HCN1: variants seen among roughly 807,000 people sequenced by gnomAD.
HCN1 encodes the protein hyperpolarization activated cyclic nucleotide gated potassium channel 1.
A neutral mutation model predicts 78.9 loss-of-function variants in HCN1; 13 were observed. The observed-to-expected ratio is 0.16, with a 90% CI of 0.11 to 0.26. The LOEUF (loss-of-function observed/expected upper bound fraction) is 0.26. HCN1 is among the 10% of genes least tolerant of loss of function. The probability of loss-of-function intolerance (pLI) is 1.00; values close to 1 mark genes in which losing one functional copy is unlikely to be tolerated. For missense variants in HCN1, 810 were observed against 1,154.3 expected, an observed-to-expected ratio of 0.70 and a Z score of 4.32; for synonymous variants, 552 against 455.5, an observed-to-expected ratio of 1.21 and a Z score of -2.70.
At chr5:45,570,033 T>A (rs1318124464) in intron 2 of HCN1, among the ~76,000 whole-genome samples, 4 of 152,162 alleles carry the variant, frequency 2.6e-5, no homozygotes, top group African/African-American at 9.6e-5. Context: ...TGTAGGTATT[T>A]GCCAGATTAT....
intron 2 of HCN1, among the ~76,000 whole-genome samples, chr5:45,490,806 T>C (rs115238150): frequency 0.014 from 2,202 of 152,178 alleles, 27 homozygotes; most frequent in Middle Eastern, 0.054. Flanking sequence ...TTCATACATG[T>C]ATAATTCCTC....
intron 5 of HCN1, among the ~76,000 whole-genome samples, chr5:45,318,797 C>T (rs1283080056): frequency 6.6e-6 from 1 of 151,744 alleles, no homozygotes; most frequent in Non-Finnish European, 1.5e-5. Context: ...TATATGCACC[C>T]GTATAACCAG....
intron 4 of HCN1, among the ~76,000 whole-genome samples, chr5:45,382,573 TTGGTC>T (rs1171174600): frequency 6.6e-6 from 1 of 152,176 alleles, no homozygotes; most frequent in Non-Finnish European, 1.5e-5. Flanking sequence ...TAATTGATTT[TTGGTC>T]TGTCTCCTCC....
At chr5:45,410,195 A>G (rs192706322) in intron 3 of HCN1, among the ~76,000 whole-genome samples, 8 of 152,152 alleles carry the variant, frequency 5.3e-5, no homozygotes, top group African/African-American at 1.9e-4. Context: ...AGTCTTTATT[A>G]TCTTCATTTA....
intron 2 of HCN1, among the ~76,000 whole-genome samples, chr5:45,585,147 C>A (rs987290096): frequency 6.6e-6 from 1 of 152,156 alleles, no homozygotes; most frequent in Non-Finnish European, 1.5e-5. Context: ...GCATTCTCCC[C>A]GTCACTTTCA....
At chr5:45,264,018 C>T (rs181039882) in intron 7 of HCN1, among the ~76,000 whole-genome samples, 2 of 152,182 alleles carry the variant, frequency 1.3e-5, no homozygotes, top group Non-Finnish European at 2.9e-5. Context: ...TGGTCTCCAT[C>T]TCATGACCTT....
rs146908957 is a variant in HCN1, at chr5:45,377,763, A to G, written c.1230+18729T>C. On this transcript the variant is annotated intron_variant, in intron 4 of 7. Transcript: ENST00000303230. The stretch of plus-strand genomic sequence containing the variant: ...AGGTATGTGACTGGGTGTTACTATA[A>G]ATACATAAGACTATAACAAATTGGG... 1.1e-4 allele frequency among the ~76,000 whole-genome samples: 17 copies of G among 152,162 alleles called. No individual in the cohort carries two copies. In the East Asian group the frequency reaches 3.3e-3, roughly 29 times the overall value.
At chr5:45,323,069 G>A (rs1301110872) in intron 5 of HCN1, among the ~76,000 whole-genome samples, 1 of 151,780 alleles carries the variant, frequency 6.6e-6, no homozygotes, top group Non-Finnish European at 1.5e-5. Flanking sequence ...TCCGTTTTTA[G>A]AAAATGGTAA....
At chr5:45,670,240 C>T (rs1241142910) in intron 1 of HCN1, among the ~76,000 whole-genome samples, 2 of 151,540 alleles carry the variant, frequency 1.3e-5, no homozygotes, top group Non-Finnish European at 3.0e-5. Context: ...AACAAACAAA[C>T]AAAACCCAAA....
chr5:45,592,953 T>C (rs1280112891), intron 2 of HCN1, among the ~76,000 whole-genome samples: 1 of 152,212 alleles, frequency 6.6e-6, no homozygotes, highest in Non-Finnish European at 1.5e-5. Flanking sequence ...CACGTTGTTT[T>C]CATTTTGGAA....
chr5:45,685,572 C>T (rs1381049124), intron 1 of HCN1, among the ~76,000 whole-genome samples: 3 of 152,074 alleles, frequency 2.0e-5, no homozygotes, highest in Non-Finnish European at 4.4e-5. Flanking sequence ...ATTAGCTGGG[C>T]GTGGTGGCAC....
chr5:45,477,442 C>T (rs547615553), intron 2 of HCN1, among the ~76,000 whole-genome samples: 1 of 152,002 alleles, frequency 6.6e-6, no homozygotes, highest in Admixed American at 6.6e-5. Flanking sequence ...CTTTTAAAGT[C>T]AAAGGCAGGT....
At chr5:45,569,818 T>C (rs1449294599) in intron 2 of HCN1, among the ~76,000 whole-genome samples, 7 of 152,074 alleles carry the variant, frequency 4.6e-5, no homozygotes, top group African/African-American at 1.7e-4. Context: ...GGCATCATTA[T>C]TATCATCATC....
chr5:45,635,380 G>T (rs1014493986), intron 2 of HCN1, among the ~76,000 whole-genome samples: 1 of 151,874 alleles, frequency 6.6e-6, no homozygotes, highest in South Asian at 2.1e-4. Flanking sequence ...AATAATTATT[G>T]TAAAAATTCC....
intron 5 of HCN1, among the ~76,000 whole-genome samples, chr5:45,338,452 T>C (rs909766310): frequency 2.0e-5 from 3 of 152,180 alleles, no homozygotes; most frequent in African/African-American, 2.4e-5. Context: ...GCAATTCTAA[T>C]CATGTATATT....
intron 1 of HCN1, among the ~76,000 whole-genome samples, chr5:45,667,935 C>T (rs930388836): frequency 7.2e-5 from 11 of 151,952 alleles, no homozygotes; most frequent in Non-Finnish European, 1.6e-4. Flanking sequence ...TCTATGTTTA[C>T]AGATGAAAAA....
chr5:45,510,938 C>T (rs1742403773), intron 2 of HCN1, among the ~76,000 whole-genome samples: 1 of 151,934 alleles, frequency 6.6e-6, no homozygotes, highest in South Asian at 2.1e-4. Context: ...GAACAAAATA[C>T]AAAATAAACA....
intron 3 of HCN1, among the ~76,000 whole-genome samples, chr5:45,423,770 C>T (rs1408180217): frequency 4.6e-5 from 7 of 152,134 alleles, no homozygotes; most frequent in Non-Finnish European, 7.4e-5. Context: ...GATAGAGGTT[C>T]AATAAAGAGT....
At chr5:45,461,699 T>C (rs1252764760) in intron 3 of HCN1, 147 bp downstream of exon 3, 1 of 764,620 alleles carries the variant, frequency 1.3e-6, no homozygotes, top group Non-Finnish European at 2.2e-6. Flanking sequence ...TCCACAAACA[T>C]AACATCTGAT....
Sources: gnomAD v4.1 joint callset for allele counts (sites outside exome capture counted in the v4.1 genomes callset) on GRCh38, gnomAD v4.1.1 for gene constraint, MANE v1.5 for transcripts, NCBI Gene and HGNC (gene_info 2026-07-23, HGNC 2026-07-21) for gene names.